ADCK1: variants seen among roughly 807,000 people sequenced by gnomAD.
ADCK1 encodes the protein aarF domain containing kinase 1, also known as aarF domain-containing protein kinase 1.
ADCK1 carries 41 observed loss-of-function variants against 52.3 expected under a neutral mutation model. That is an observed-to-expected ratio of 0.78 (90% CI 0.61 to 1.02). The LOEUF (loss-of-function observed/expected upper bound fraction) is 1.02. ADCK1 is among the 50% of genes least tolerant of loss of function. The pLI, the probability that ADCK1 is intolerant of heterozygous loss-of-function variation, is 0.00. For missense variants in ADCK1, 658 were observed against 679.5 expected (o/e 0.97, Z 0.35); for synonymous variants, 250 against 274.6 (o/e 0.91, Z 0.89).
At chr14:77,805,252 CTTTTTTTTTTTT>C (rs777184096) in intron 1 of ADCK1, among the ~76,000 whole-genome samples, 2,213 of 62,392 alleles carry the variant, frequency 0.035, 90 homozygotes, top group African/African-American at 0.1. Context: ...GCTTTGCATT[CTTTTTTTTTTTT>C]TTTTTTTTTT....
intron 3 of ADCK1, 127 bp downstream of exon 3, chr14:77,822,645 C>T (rs956640942): frequency 1.7e-5 from 14 of 802,112 alleles, no homozygotes; most frequent in East Asian, 2.6e-5. Context: ...CCACTGTGCC[C>T]GGCCTAGGAT....
chr14:77,891,422 G>C (rs1042305586), intron 5 of ADCK1, among the ~76,000 whole-genome samples: 1 of 152,238 alleles, frequency 6.6e-6, no homozygotes, highest in African/African-American at 2.4e-5. Flanking sequence ...CTGCCTCTGC[G>C]TAGTAAAGCC....
Position 77,924,564 on chromosome 14 carries a change from G to A in ADCK1, c.966G>A (p.Thr322=), listed in dbSNP as rs765124764. The A allele has an allele frequency of 2.1e-5, 34 of 1,613,746 alleles. 1 individual carries two copies. The Admixed American group carries it at 3.3e-4, about 16-fold the overall frequency. The part of the protein sequence containing the change: ...GNVLVRKHPG[T]GKAEIVLLDH... ...TACTGGTGCGGAAGCACCCCGGCACGGGAAAGGCGGAGATTGTCCTGTTGG... is the reference window on the plus strand; with the variant it reads ...TACTGGTGCGGAAGCACCCCGGCACAGGAAAGGCGGAGATTGTCCTGTTGG... Residue 322 remains threonine (T), a synonymous_variant, in exon 8 of 11, where the codon ACG becomes ACA. Coordinates refer to ENST00000238561, the MANE Select transcript of ADCK1 (RefSeq NM_020421.4).
intron 3 of ADCK1, among the ~76,000 whole-genome samples, chr14:77,856,357 TG>T (rs2082416727): frequency 6.6e-6 from 1 of 152,200 alleles, no homozygotes; most frequent in Non-Finnish European, 1.5e-5. Context: ...AAGGTCAGTT[TG>T]GGGTCTGTTG....
chr14:77,912,493 A>G (rs1203620686), intron 7 of ADCK1, among the ~76,000 whole-genome samples: 3 of 150,356 alleles, frequency 2.0e-5, no homozygotes, highest in Non-Finnish European at 4.4e-5. Flanking sequence ...AAGAGTCCAC[A>G]ATCCTGAAAG....
At chr14:77,871,394 G>A (rs1328830630) in intron 4 of ADCK1, among the ~76,000 whole-genome samples, 1 of 152,028 alleles carries the variant, frequency 6.6e-6, no homozygotes, top group Non-Finnish European at 1.5e-5. Context: ...GTCTCACTCA[G>A]TTGCCCAGGC....
chr14:77,895,391 A>G (rs1595043039), intron 5 of ADCK1, among the ~76,000 whole-genome samples: 1 of 152,222 alleles, frequency 6.6e-6, no homozygotes, highest in East Asian at 1.9e-4. Context: ...ACTCTTTGAA[A>G]TATTCATTTG....
At chr14:77,815,035 C>A (rs936753747) in intron 1 of ADCK1, among the ~76,000 whole-genome samples, 1 of 149,616 alleles carries the variant, frequency 6.7e-6, no homozygotes, top group Non-Finnish European at 1.5e-5. Flanking sequence ...TACAGAGGCA[C>A]GTGACACCAC....
chr14:77,902,135 C>T (rs2083561420), intron 6 of ADCK1, among the ~76,000 whole-genome samples: 1 of 152,204 alleles, frequency 6.6e-6, no homozygotes, highest in South Asian at 2.1e-4. Flanking sequence ...TTTTTGCTCT[C>T]CTGATTGACT....
intron 7 of ADCK1, among the ~76,000 whole-genome samples, chr14:77,916,811 T>C (rs2083936444): frequency 6.6e-6 from 1 of 152,234 alleles, no homozygotes; most frequent in African/African-American, 2.4e-5. Flanking sequence ...CAGCATTTGT[T>C]AGTCCAAGAT....
intron 1 of ADCK1, among the ~76,000 whole-genome samples, chr14:77,800,535 C>T (rs2081086999): frequency 6.6e-6 from 1 of 152,266 alleles, no homozygotes; most frequent in Non-Finnish European, 1.5e-5. Flanking sequence ...CCTTCACCCC[C>T]TGGTGGCCCT....
At chr14:77,929,517 G>A (rs750419074) in intron 9 of ADCK1, among the ~76,000 whole-genome samples, 1 of 152,194 alleles carries the variant, frequency 6.6e-6, no homozygotes, top group African/African-American at 2.4e-5. Context: ...ATTGGCTGAC[G>A]CAGGTCACGT....
intron 3 of ADCK1, among the ~76,000 whole-genome samples, chr14:77,856,938 G>C (rs1350206976): frequency 2.4e-4 from 37 of 151,758 alleles, no homozygotes; most frequent in Admixed American, 2.4e-3. Flanking sequence ...GGAGATGGAG[G>C]TTGCAGTGAG....
At chr14:77,893,204 G>T (rs2083319647) in intron 5 of ADCK1, among the ~76,000 whole-genome samples, 1 of 152,162 alleles carries the variant, frequency 6.6e-6, no homozygotes, top group Non-Finnish European at 1.5e-5. Context: ...AGACTAATTG[G>T]GCCCAGAGAT....
At chr14:77,801,468 G>T (rs2081108561) in intron 1 of ADCK1, among the ~76,000 whole-genome samples, 1 of 152,126 alleles carries the variant, frequency 6.6e-6, no homozygotes, top group Non-Finnish European at 1.5e-5. Context: ...AGATTTTAAT[G>T]TAGTCTATAC....
chr14:77,814,817 G>T (rs2081409967), intron 1 of ADCK1, among the ~76,000 whole-genome samples: 1 of 151,042 alleles, frequency 6.6e-6, no homozygotes, highest in African/African-American at 2.4e-5. Flanking sequence ...CCCTAGAGTT[G>T]GTAGTTCGGT....
intron 4 of ADCK1, among the ~76,000 whole-genome samples, chr14:77,868,642 G>A (rs570923681): frequency 1.1e-3 from 162 of 152,182 alleles, no homozygotes; most frequent in Middle Eastern, 3.4e-3. Context: ...GCTCAGGGTC[G>A]TGCCCAAGCC....
chr14:77,847,228 G>A (rs2082189888), intron 3 of ADCK1, among the ~76,000 whole-genome samples: 2 of 152,118 alleles, frequency 1.3e-5, no homozygotes, highest in African/African-American at 4.8e-5. Context: ...TGTAAGAGAT[G>A]AAGCCGCAGG....
At chr14:77,914,056 T>A (rs1307231319) in intron 7 of ADCK1, among the ~76,000 whole-genome samples, 1 of 152,148 alleles carries the variant, frequency 6.6e-6, no homozygotes, top group Non-Finnish European at 1.5e-5. Flanking sequence ...AGTTAATCTT[T>A]CTTTTTCAGA....
Sources: allele counts gnomAD v4.1 joint callset (sites outside exome capture counted in the v4.1 genomes callset), GRCh38; gene constraint gnomAD v4.1.1; transcripts MANE v1.5; gene names NCBI Gene and HGNC (gene_info 2026-07-23, HGNC 2026-07-21).